Variants in IL1RAPL2 observed in about 807,000 individuals in gnomAD.
IL1RAPL2 encodes X-linked interleukin-1 receptor accessory protein-like 2.
IL1RAPL2 carries 3 observed loss-of-function variants against 44.1 expected under a neutral mutation model. That is an observed-to-expected ratio of 0.07 (90% CI 0.03 to 0.18). The LOEUF is 0.18. IL1RAPL2 is among the 10% of genes least tolerant of loss of function. The pLI, the probability that IL1RAPL2 is intolerant of heterozygous loss-of-function variation, is 1.00. For synonymous variants in IL1RAPL2, 181 were observed against 178.8 expected (o/e 1.01, Z -0.10); for missense variants, 391 against 496.4 (o/e 0.79, Z 2.02).
chrX:105,245,950 A>G (rs1438691949), intron 4 of IL1RAPL2, among the ~76,000 whole-genome samples: 1 of 112,606 alleles, frequency 8.9e-6, no homozygotes, highest in Non-Finnish European at 1.9e-5. Flanking sequence ...GGAATGATGG[A>G]TGGTTCAGTA....
At chrX:104,983,916 G>T (rs914325450) in intron 2 of IL1RAPL2, among the ~76,000 whole-genome samples, 1 of 109,195 alleles carries the variant, frequency 9.2e-6, no homozygotes, top group Admixed American at 1.0e-4. Context: ...ATTTTCCTTG[G>T]CAAGGGCTCC....
intron 6 of IL1RAPL2, among the ~76,000 whole-genome samples, chrX:105,701,003 G>A (rs2038115123): frequency 1.8e-5 from 2 of 110,919 alleles, no homozygotes; most frequent in South Asian, 7.7e-4. Flanking sequence ...TTCCTCCAGG[G>A]TCACATGTCC....
chrX:104,894,150 T>A (rs1428019553), intron 2 of IL1RAPL2, among the ~76,000 whole-genome samples: 1 of 112,216 alleles, frequency 8.9e-6, no homozygotes, highest in Non-Finnish European at 1.9e-5. Context: ...TGCCGAGACA[T>A]CCGCTATTAG....
rs578124364 is a variant in IL1RAPL2 at position 105,230,520 on chromosome X, A to C, written c.357-3298A>C. On this transcript the variant is annotated intron_variant, in intron 3 of 10. Coordinates refer to ENST00000372582, the MANE Select transcript of IL1RAPL2 (RefSeq NM_017416.2). ...TTAATTATACATATATATAATTATT[A>C]TATATATCTTTTAATATATTTAACA... Among the ~76,000 whole-genome samples, 4 of 108,137 alleles carry C rather than the reference A, an allele frequency of 3.7e-5. No homozygotes were observed. The South Asian group carries it at 1.5e-3, about 41-fold the overall frequency. The allele number at this position is 108,137 out of a possible 115,157, so 93.9% of individuals were successfully genotyped here.
chrX:104,828,843 A>C (rs1921534042), intron 2 of IL1RAPL2, among the ~76,000 whole-genome samples: 1 of 112,791 alleles, frequency 8.9e-6, no homozygotes, highest in South Asian at 3.6e-4. Context: ...GGAGGAATCT[A>C]GAGAGGTAGT....
At chrX:104,973,977 C>A (rs549225692) in intron 2 of IL1RAPL2, among the ~76,000 whole-genome samples, 43 of 111,811 alleles carry the variant, frequency 3.8e-4, no homozygotes, top group Non-Finnish European at 6.4e-4. Flanking sequence ...TTGAACCTTT[C>A]TTTCAATAAC....
At chrX:105,556,916 T>G (rs2036900655) in intron 6 of IL1RAPL2, among the ~76,000 whole-genome samples, 1 of 112,064 alleles carries the variant, frequency 8.9e-6, no homozygotes, top group South Asian at 3.6e-4. Context: ...GCAAAAATCC[T>G]TATTTACTAG....
intron 6 of IL1RAPL2, among the ~76,000 whole-genome samples, chrX:105,631,204 C>T (rs1232825730): frequency 6.3e-5 from 7 of 111,350 alleles, no homozygotes; most frequent in African/African-American, 2.0e-4. Context: ...AATGTGTCTA[C>T]GGTATCCTTT....
At chrX:104,823,053 C>A (rs1333880811) in intron 2 of IL1RAPL2, among the ~76,000 whole-genome samples, 5 of 111,344 alleles carry the variant, frequency 4.5e-5, no homozygotes, top group African/African-American at 1.6e-4. Context: ...ATTTCACTCT[C>A]TGTTTGTCTA....
At chrX:104,826,462 A>C (rs888078845) in intron 2 of IL1RAPL2, among the ~76,000 whole-genome samples, 3 of 111,641 alleles carry the variant, frequency 2.7e-5, no homozygotes, top group African/African-American at 9.8e-5. Context: ...ATTTGATTGC[A>C]CTGTGGTCTC....
chrX:105,016,812 G>A (rs894496398), intron 2 of IL1RAPL2, among the ~76,000 whole-genome samples: 1 of 111,208 alleles, frequency 9.0e-6, no homozygotes, highest in East Asian at 2.9e-4. Context: ...TTGGTATCAG[G>A]ATGATGCTGG....
chrX:105,650,940 T>C (rs999260998), intron 6 of IL1RAPL2, among the ~76,000 whole-genome samples: 1 of 111,971 alleles, frequency 8.9e-6, no homozygotes, highest in African/African-American at 3.2e-5. Context: ...AGAAATACTG[T>C]TTTTTAGGTT....
At chrX:104,946,629 T>C (rs1925379407) in intron 2 of IL1RAPL2, among the ~76,000 whole-genome samples, 2 of 89,417 alleles carry the variant, frequency 2.2e-5, no homozygotes, top group South Asian at 1.3e-3. Context: ...TGTGTTCTCA[T>C]TGTTCAATTC....
chrX:105,309,458 G>A (rs769860926), intron 5 of IL1RAPL2, among the ~76,000 whole-genome samples: 6 of 109,874 alleles, frequency 5.5e-5, no homozygotes, highest in South Asian at 3.9e-4. Flanking sequence ...TTGGCTGGGC[G>A]TGGTGGCTCA....
intron 2 of IL1RAPL2, among the ~76,000 whole-genome samples, chrX:104,954,318 C>T (rs917684304): frequency 1.3e-4 from 15 of 111,655 alleles, no homozygotes; most frequent in African/African-American, 4.9e-4. Flanking sequence ...GCCATCATTA[C>T]CTAAAAAACC....
chrX:104,704,933 A>G (rs1418466847), intron 2 of IL1RAPL2, among the ~76,000 whole-genome samples: 2 of 111,616 alleles, frequency 1.8e-5, no homozygotes, highest in African/African-American at 3.3e-5. Context: ...GAAAGACACA[A>G]GGATTTATGA....
At chrX:105,081,732 C>T (rs144735639) in intron 2 of IL1RAPL2, among the ~76,000 whole-genome samples, 1 of 111,490 alleles carries the variant, frequency 9.0e-6, no homozygotes, top group African/African-American at 3.3e-5. Flanking sequence ...TTGAGATAAT[C>T]GTGTGGTTTT....
chrX:105,170,756 G>T (rs1400656459), intron 2 of IL1RAPL2, among the ~76,000 whole-genome samples: 1 of 112,312 alleles, frequency 8.9e-6, no homozygotes, highest in Non-Finnish European at 1.9e-5. Flanking sequence ...CTCCATTTAA[G>T]AATCTGTAGA....
At chrX:105,006,493 T>C (rs975902287) in intron 2 of IL1RAPL2, among the ~76,000 whole-genome samples, 2 of 111,080 alleles carry the variant, frequency 1.8e-5, no homozygotes, top group African/African-American at 6.5e-5. Flanking sequence ...GTTTTATTAA[T>C]TTGAAGCAAC....
Sources: gnomAD v4.1 joint callset for allele counts (sites outside exome capture counted in the v4.1 genomes callset) on GRCh38, gnomAD v4.1.1 for gene constraint, MANE v1.5 for transcripts, NCBI Gene and HGNC (gene_info 2026-07-23, HGNC 2026-07-21) for gene names.